Variants in SRBD1 observed in about 807,000 individuals in gnomAD.
The protein encoded by SRBD1 is S1 RNA-binding domain-containing protein 1.
SRBD1 carries 88 observed loss-of-function variants against 115.3 expected under a neutral mutation model. The ratio of observed to expected loss-of-function variants is 0.76; its 90% confidence interval spans 0.64 to 0.91. The LOEUF is 0.91. Ranked by LOEUF, SRBD1 falls within the 40% of genes least tolerant of loss-of-function variation. SRBD1 has a pLI of 0.00. For missense variants in SRBD1, 1,385 were observed against 1,177.4 expected, an observed-to-expected ratio of 1.18 and a Z score of -2.58; for synonymous variants, 509 against 407.7, an observed-to-expected ratio of 1.25 and a Z score of -2.99.
rs1365142698 is a variant in SRBD1, at chr2:45,574,628, A to T, written c.1168T>A (p.Leu390Met). The change falls in exon 8 of 21, where the codon TTG becomes ATG. Residue 390 changes from leucine (L) to methionine (M), a missense_variant and splice_region_variant. Physicochemically the swap from Leu to Met is conservative, Grantham distance 15. Transcript: ENST00000263736. ...DKDTLDFIRN[L>M]CQKRHVCIQS... ...AAACTCCATAAAAGAGATACTCACA[A>T]GTTCCGAATGAAGTCAAGCGTGTCT... 1.9e-6 allele frequency: 3 copies of T among 1,612,676 alleles called. No homozygotes were observed. The African/African-American group carries it at 4.0e-5, about 22-fold the overall frequency.
intron 1 of SRBD1, among the ~76,000 whole-genome samples, chr2:45,610,896 C>G (rs1357077092): frequency 6.6e-6 from 1 of 151,074 alleles, no homozygotes; most frequent in East Asian, 2.0e-4. Context: ...CCACTACACT[C>G]CAGCCTGGGC....
At chr2:45,465,596 G>C (rs1669463385) in intron 16 of SRBD1, among the ~76,000 whole-genome samples, 2 of 152,114 alleles carry the variant, frequency 1.3e-5, no homozygotes, top group East Asian at 3.9e-4. Context: ...AAGAAAACTA[G>C]AAAGGAAGAC....
chr2:45,532,672 G>C (rs548560623), intron 14 of SRBD1, among the ~76,000 whole-genome samples: 11 of 151,702 alleles, frequency 7.3e-5, no homozygotes, highest in Non-Finnish European at 1.2e-4. Context: ...AAAGTAATGG[G>C]AATTAAACTG....
intron 16 of SRBD1, among the ~76,000 whole-genome samples, chr2:45,425,140 G>C (rs148358752): frequency 3.6e-4 from 55 of 152,258 alleles, no homozygotes; most frequent in African/African-American, 1.2e-3. Flanking sequence ...AGGCCACTTT[G>C]AGTAAGGATC....
At chr2:45,403,201 T>C (rs1275004496) in intron 19 of SRBD1, among the ~76,000 whole-genome samples, 3 of 152,120 alleles carry the variant, frequency 2.0e-5, no homozygotes, top group Non-Finnish European at 2.9e-5. Flanking sequence ...ATTTTTTCAA[T>C]CCACAAGAGA....
chr2:45,601,422 TAAAAACACCCAAGAG>T (rs1419454217), intron 3 of SRBD1, among the ~76,000 whole-genome samples: 1 of 152,220 alleles, frequency 6.6e-6, no homozygotes, highest in East Asian at 1.9e-4. Context: ...ACAACTGATG[TAAAAACACCCAAGAG>T]AGATATATCT....
intron 16 of SRBD1, among the ~76,000 whole-genome samples, chr2:45,456,588 T>C (rs948214139): frequency 6.6e-6 from 1 of 151,972 alleles, no homozygotes; most frequent in Admixed American, 6.6e-5. Context: ...AGTTTGAGTA[T>C]AATTTTCGAG....
chr2:45,445,658 G>C (rs1290627915), intron 16 of SRBD1, among the ~76,000 whole-genome samples: 1 of 145,690 alleles, frequency 6.9e-6, no homozygotes, highest in Non-Finnish European at 1.5e-5. Context: ...AGACAGCATA[G>C]AAAAACCATG....
At chr2:45,542,422 G>C (rs954836263) in intron 14 of SRBD1, among the ~76,000 whole-genome samples, 2 of 152,178 alleles carry the variant, frequency 1.3e-5, no homozygotes, top group African/African-American at 4.8e-5. Context: ...CTGCAACTGC[G>C]CCCAGGAGCA....
At chr2:45,424,808 A>G (rs896827690) in intron 16 of SRBD1, among the ~76,000 whole-genome samples, 1 of 152,218 alleles carries the variant, frequency 6.6e-6, no homozygotes, top group Admixed American at 6.5e-5. Context: ...TATTTATTCA[A>G]TAATGGCAAA....
intron 7 of SRBD1, 100 bp downstream of exon 7, chr2:45,579,775 T>G: frequency 7.7e-7 from 1 of 1,301,508 alleles, no homozygotes; most frequent in Non-Finnish European, 1.0e-6. Context: ...AATATTCTTT[T>G]GTATAATCAG....
chr2:45,572,015 A>G (rs1245648361), intron 9 of SRBD1, among the ~76,000 whole-genome samples: 1 of 152,180 alleles, frequency 6.6e-6, no homozygotes, highest in Non-Finnish European at 1.5e-5. Context: ...ACATTAATCT[A>G]CACGTCTAAG....
intron 2 of SRBD1, among the ~76,000 whole-genome samples, chr2:45,603,059 A>C (rs1674149566): frequency 1.3e-5 from 2 of 152,308 alleles, no homozygotes; most frequent in Admixed American, 6.5e-5. Context: ...ATAATTAGAA[A>C]ACCAATGAAA....
At chr2:45,413,388 A>C in intron 18 of SRBD1, 95 bp from the exon 19 acceptor site, 2 of 1,406,256 alleles carry the variant, frequency 1.4e-6, no homozygotes, top group Non-Finnish European at 1.9e-6. Flanking sequence ...TGTCATACAA[A>C]TATGCGAAAA....
chr2:45,444,207 A>G (rs914401406), intron 16 of SRBD1, among the ~76,000 whole-genome samples: 16 of 152,238 alleles, frequency 1.1e-4, no homozygotes, highest in Non-Finnish European at 1.9e-4. Context: ...GGAGCTTGAG[A>G]CCAGCCTGGG....
chr2:45,408,946 G>A (rs1667515773), intron 19 of SRBD1, among the ~76,000 whole-genome samples: 1 of 152,180 alleles, frequency 6.6e-6, no homozygotes, highest in Admixed American at 6.5e-5. Context: ...ATACTGGCCG[G>A]GTGCAGTGGC....
rs552979629 is a variant in SRBD1 at position 45,420,691 on chromosome 2, A to G, written c.2050-797T>C. Among the ~76,000 whole-genome samples, 197 of 152,276 alleles carry G rather than the reference A, an allele frequency of 1.3e-3. 1 individual carries two copies. Among genetic ancestry groups the G allele is most frequent in the African/African-American group, 4.4e-3 (184 of 41,556 alleles). The stretch of plus-strand genomic sequence containing the variant: ...TCTGATCACTTTTATATTCAAAATC[A>G]TAGGTGTCAAGGTTTTCCATGCAGT... On this transcript the variant is annotated intron_variant, in intron 16 of 20. Coordinates refer to ENST00000263736, the MANE Select transcript of SRBD1 (RefSeq NM_018079.5).
rs1281661941 is a variant in SRBD1 at position 45,555,390 on chromosome 2, C to A, written c.1410-1660G>T. On this transcript the variant is annotated intron_variant, in intron 10 of 20. Transcript: ENST00000263736. ...AGAGACCCTTTCTTAAAAACAAAAA[C>A]AAAACAAACAAAAAAAACCCAGCCC... Among the ~76,000 whole-genome samples the A allele has an allele frequency of 2.0e-5, 3 of 151,122 alleles. No individual in the cohort carries two copies. In the East Asian group the frequency reaches 5.8e-4, roughly 29 times the overall value.
intron 9 of SRBD1, among the ~76,000 whole-genome samples, chr2:45,568,550 A>G (rs944226911): frequency 2.0e-5 from 3 of 152,178 alleles, no homozygotes; most frequent in African/African-American, 4.8e-5. Flanking sequence ...CATTTCCAAA[A>G]TGCTCTGCTT....
Sources: gnomAD v4.1 joint callset for allele counts (sites outside exome capture counted in the v4.1 genomes callset) on GRCh38, gnomAD v4.1.1 for gene constraint, MANE v1.5 for transcripts, NCBI Gene and HGNC (gene_info 2026-07-23, HGNC 2026-07-21) for gene names.